Variants in SLC24A3 observed in about 807,000 individuals in gnomAD.
SLC24A3 encodes sodium/potassium/calcium exchanger 3.
Under a neutral mutation model 75.8 loss-of-function variants are expected in SLC24A3, and 28 were observed. That is an observed-to-expected ratio of 0.37 (90% CI 0.27 to 0.51). The LOEUF is 0.51. Ranked by LOEUF, SLC24A3 falls within the 20% of genes least tolerant of loss-of-function variation. The probability of loss-of-function intolerance (pLI) is 0.94; values close to 1 mark genes in which losing one functional copy is unlikely to be tolerated. For missense variants in SLC24A3, 663 were observed against 847.8 expected (o/e 0.78, Z 2.71); for synonymous variants, 372 against 334.1 (o/e 1.11, Z -1.24).
intron 6 of SLC24A3, among the ~76,000 whole-genome samples, chr20:19,612,753 C>A (rs985920433): frequency 6.6e-6 from 1 of 152,146 alleles, no homozygotes; most frequent in Non-Finnish European, 1.5e-5. Context: ...TGCAGGAGGC[C>A]CCTCAGGGCT....
At chr20:19,503,168 T>C (rs1408095161) in intron 2 of SLC24A3, among the ~76,000 whole-genome samples, 2 of 152,106 alleles carry the variant, frequency 1.3e-5, no homozygotes, top group Non-Finnish European at 2.9e-5. Flanking sequence ...ACCTCTCATG[T>C]CATCAGTTTC....
intron 6 of SLC24A3, among the ~76,000 whole-genome samples, chr20:19,636,823 G>A (rs752873150): frequency 6.6e-6 from 1 of 152,228 alleles, no homozygotes; most frequent in South Asian, 2.1e-4. Context: ...GACCAAAATG[G>A]GTAAACAGAG....
intron 3 of SLC24A3, among the ~76,000 whole-genome samples, chr20:19,528,163 G>A (rs1328746593): frequency 1.3e-5 from 2 of 151,980 alleles, no homozygotes; most frequent in Non-Finnish European, 2.9e-5. Flanking sequence ...CCCATTTCTG[G>A]TGCTTCTTTG....
chr20:19,565,406 G>A (rs375504507), intron 3 of SLC24A3, among the ~76,000 whole-genome samples: 1 of 77,042 alleles, frequency 1.3e-5, no homozygotes, highest in African/African-American at 3.2e-5. Context: ...GTGTTCTCGG[G>A]GGGTGGGGGG....
chr20:19,687,369 G>T (rs1600340819), intron 12 of SLC24A3, among the ~76,000 whole-genome samples: 1 of 152,114 alleles, frequency 6.6e-6, no homozygotes, highest in South Asian at 2.1e-4. Flanking sequence ...GCTAGATCAG[G>T]CACCTGCACA....
At chr20:19,279,920 C>A (rs1270652073) in intron 1 of SLC24A3, among the ~76,000 whole-genome samples, 3 of 152,050 alleles carry the variant, frequency 2.0e-5, no homozygotes, top group Admixed American at 6.5e-5. Context: ...ACCACGGCAT[C>A]TGCCTATCTA....
chr20:19,463,206 C>T (rs1433660089), intron 2 of SLC24A3, among the ~76,000 whole-genome samples: 2 of 152,240 alleles, frequency 1.3e-5, no homozygotes, highest in Non-Finnish European at 2.9e-5. Flanking sequence ...TTATGAGGCA[C>T]TCACGTGACT....
At position 19,546,158 on chromosome 20, in the gene SLC24A3, CAAAAAAAAAAAAAAAA is replaced by C. The variant is rs367781560; in HGVS notation, c.348+30609_348+30624del. Among the ~76,000 whole-genome samples, 14 of 46,756 alleles carry C rather than the reference CAAAAAAAAAAAAAAAA, an allele frequency of 3.0e-4. 1 individual carries two copies. Among genetic ancestry groups the C allele is most frequent in the African/African-American group, 1.2e-3 (12 of 10,410 alleles). The allele number at this position is 46,756 out of a possible 152,430, so 30.7% of individuals were successfully genotyped here. A position where few individuals can be genotyped will look rare whatever the true frequency, so the allele number is the denominator to read the frequency against. On this transcript the variant is annotated intron_variant, in intron 3 of 16. Transcript: ENST00000328041. The stretch of plus-strand genomic sequence containing the variant: ...TGGGCGACAGAGCGAGACTCCGTCT[CAAAAAAAAAAAAAAAA>C]AAAAAAAAAAAAAACCAGGTAATCG...
chr20:19,415,824 T>C (rs1986819011), intron 2 of SLC24A3, among the ~76,000 whole-genome samples: 2 of 116,306 alleles, frequency 1.7e-5, no homozygotes, highest in South Asian at 2.9e-4. Flanking sequence ...CCTAAAGTCA[T>C]GATTTTAGAC....
intron 2 of SLC24A3, among the ~76,000 whole-genome samples, chr20:19,448,823 G>A (rs971751405): frequency 6.6e-6 from 1 of 152,200 alleles, no homozygotes; most frequent in Non-Finnish European, 1.5e-5. Flanking sequence ...ACTTAGCACA[G>A]TCCTGGCCCC....
intron 7 of SLC24A3, among the ~76,000 whole-genome samples, chr20:19,662,313 A>G (rs1195142369): frequency 6.6e-6 from 1 of 152,230 alleles, no homozygotes; most frequent in Non-Finnish European, 1.5e-5. Context: ...TCCAAAGCCC[A>G]CAACAGGAGG....
intron 6 of SLC24A3, among the ~76,000 whole-genome samples, chr20:19,592,166 G>C (rs761158049): frequency 6.6e-6 from 1 of 152,166 alleles, no homozygotes; most frequent in Non-Finnish European, 1.5e-5. Flanking sequence ...TATTGAGCAC[G>C]AGTGGCACGT....
intron 1 of SLC24A3, among the ~76,000 whole-genome samples, chr20:19,228,873 T>C (rs1367119787): frequency 6.6e-6 from 1 of 152,228 alleles, no homozygotes; most frequent in Non-Finnish European, 1.5e-5. Context: ...AATAGACATA[T>C]AGCTCCTTTG....
chr20:19,320,501 G>A (rs1984683284), intron 2 of SLC24A3, among the ~76,000 whole-genome samples: 1 of 152,012 alleles, frequency 6.6e-6, no homozygotes, highest in Admixed American at 6.5e-5. Context: ...GTTCATGTCT[G>A]GCTTTATGTC....
chr20:19,423,770 G>C (rs1986954809), intron 2 of SLC24A3, among the ~76,000 whole-genome samples: 1 of 152,184 alleles, frequency 6.6e-6, no homozygotes, highest in Admixed American at 6.5e-5. Context: ...GCCAGGTCCT[G>C]ACAGTGCACT....
intron 2 of SLC24A3, among the ~76,000 whole-genome samples, chr20:19,512,610 G>T (rs147722605): frequency 1.3e-5 from 2 of 152,372 alleles, no homozygotes; most frequent in Non-Finnish European, 2.9e-5. Flanking sequence ...ACCCAAGCCT[G>T]TCACTTACTG....
intron 6 of SLC24A3, among the ~76,000 whole-genome samples, chr20:19,615,591 C>T (rs898349242): frequency 6.6e-5 from 10 of 152,186 alleles, no homozygotes; most frequent in South Asian, 2.1e-4. Flanking sequence ...CTCACTATCA[C>T]GAGAACAGCA....
At chr20:19,216,995 C>A (rs1981576962) in intron 1 of SLC24A3, among the ~76,000 whole-genome samples, 4 of 152,194 alleles carry the variant, frequency 2.6e-5, no homozygotes, top group South Asian at 2.1e-4. Context: ...TTCACTGGAC[C>A]CTCAGAGCTG....
chr20:19,467,184 G>A (rs1283184362), intron 2 of SLC24A3, among the ~76,000 whole-genome samples: 1 of 152,234 alleles, frequency 6.6e-6, no homozygotes, highest in Non-Finnish European at 1.5e-5. Flanking sequence ...TCAATTAAGA[G>A]GCCATTGAGT....
Sources: gnomAD v4.1 joint callset for allele counts (sites outside exome capture counted in the v4.1 genomes callset) on GRCh38, gnomAD v4.1.1 for gene constraint, MANE v1.5 for transcripts, NCBI Gene and HGNC (gene_info 2026-07-23, HGNC 2026-07-21) for gene names.